Variants in WIPF1 observed in about 807,000 individuals in gnomAD.
WIPF1 encodes WAS/WASL-interacting protein family member 1.
WIPF1 carries 13 observed loss-of-function variants against 35.4 expected under a neutral mutation model. The ratio of observed to expected loss-of-function variants is 0.37; its 90% CI spans 0.24 to 0.58. The LOEUF (loss-of-function observed/expected upper bound fraction) is 0.58. WIPF1 is among the 20% of genes least tolerant of loss of function. The probability of loss-of-function intolerance (pLI) is 0.74; values close to 1 mark genes in which losing one functional copy is unlikely to be tolerated. For synonymous variants in WIPF1, 267 were observed against 266.3 expected (o/e 1.00, Z -0.02); for missense variants, 591 against 667.0 (o/e 0.89, Z 1.25).
intron 1 of WIPF1, among the ~76,000 whole-genome samples, chr2:174,648,715 A>C (rs1307217206): frequency 1.3e-5 from 2 of 152,234 alleles, no homozygotes; most frequent in Non-Finnish European, 2.9e-5. Flanking sequence ...TACAGGGGGA[A>C]AATAGGTTGT....
intron 1 of WIPF1, among the ~76,000 whole-genome samples, chr2:174,681,550 T>C (rs1230204185): frequency 6.6e-6 from 1 of 152,200 alleles, no homozygotes; most frequent in East Asian, 1.9e-4. Context: ...CGACTCAAAA[T>C]GAAGCTACAG....
chr2:174,672,043 A>G (rs1239686016), intron 1 of WIPF1, among the ~76,000 whole-genome samples: 1 of 152,152 alleles, frequency 6.6e-6, no homozygotes, highest in Non-Finnish European at 1.5e-5. Context: ...GGCATCATGG[A>G]ACCTGCCAAT....
At chr2:174,627,501 CCCTT>C (rs779321946) in intron 1 of WIPF1, among the ~76,000 whole-genome samples, 321 of 146,812 alleles carry the variant, frequency 2.2e-3, no homozygotes, top group Non-Finnish European at 3.7e-3. Flanking sequence ...CTTCCTTCCT[CCCTT>C]CCTTCCTTCC....
intron 1 of WIPF1, among the ~76,000 whole-genome samples, chr2:174,675,507 CCA>C (rs1410528865): frequency 6.6e-6 from 1 of 152,072 alleles, no homozygotes; most frequent in Admixed American, 6.5e-5. Flanking sequence ...CAGGCATATG[CCA>C]CCATGCCTGG....
chr2:174,579,007 C>T (rs549140217), intron 3 of WIPF1, among the ~76,000 whole-genome samples: 30 of 152,234 alleles, frequency 2.0e-4, no homozygotes, highest in African/African-American at 7.2e-4. Context: ...CAGACATCAC[C>T]CATTACTGTT....
chr2:174,562,213 T>A lies in WIPF1; in HGVS notation c.*334A>T. On this transcript the variant is annotated 3_prime_UTR_variant, in exon 8 of 8. Transcript: ENST00000679041. Reference sequence around the variant, plus strand: ...CTCAGGGACTTTAATAATTACAGTCTGTAACAAATAAGCAGTGAATGTTTG... The same window carrying A: ...CTCAGGGACTTTAATAATTACAGTCAGTAACAAATAAGCAGTGAATGTTTG... 1 of 1,549,754 alleles carries A rather than the reference T, an allele frequency of 6.5e-7. No individual in the cohort carries two copies. Among genetic ancestry groups the A allele is most frequent in the Non-Finnish European group, 8.7e-7 (1 of 1,146,498 alleles).
At position 174,614,427 on chromosome 2, in the gene WIPF1, G is replaced by A. The variant is rs77000585; in HGVS notation, c.-38-28816C>T. ...GGAGTAAACAAAGAGAACAGTAAAC[G>A]TCTGGGAATGTTTTCAGAGGTGACA... On this transcript the variant is annotated intron_variant, in intron 1 of 8. Coordinates refer to the WIPF1 transcript ENST00000272746. Among the ~76,000 whole-genome samples, 18 of 152,266 alleles carry A rather than the reference G, an allele frequency of 1.2e-4. No homozygotes were observed. The East Asian group carries it at 3.1e-3, about 26-fold the overall frequency.
intron 1 of WIPF1, among the ~76,000 whole-genome samples, chr2:174,682,262 C>A (rs924396764): frequency 6.6e-5 from 10 of 152,142 alleles, no homozygotes; most frequent in Admixed American, 6.5e-4. Context: ...GGGAGGGAGG[C>A]GGGCTGGAGC....
chr2:174,675,240 G>A (rs1468867628), intron 1 of WIPF1, among the ~76,000 whole-genome samples: 4 of 152,076 alleles, frequency 2.6e-5, no homozygotes, highest in Non-Finnish European at 4.4e-5. Context: ...AGTATTTAAG[G>A]GAGATAGGAG....
intron 1 of WIPF1, among the ~76,000 whole-genome samples, chr2:174,662,864 T>C (rs998720376): frequency 6.6e-6 from 1 of 152,248 alleles, no homozygotes; most frequent in African/African-American, 2.4e-5. Context: ...TGGGTCTATA[T>C]GAGGACATGA....
rs1684450707 is a variant in WIPF1 at position 174,560,252 on chromosome 2, G to A, written c.*2295C>T. 6.6e-6 allele frequency: 1 copy of A among 152,588 alleles called. No homozygotes were observed. Among genetic ancestry groups the A allele is most frequent in the Non-Finnish European group, 1.5e-5 (1 of 68,002 alleles). The allele number at this position is 152,588 out of a possible 1,614,324, so 9.5% of individuals were successfully genotyped here. On this transcript the variant is annotated 3_prime_UTR_variant, in exon 8 of 8. Transcript: ENST00000679041. The stretch of plus-strand genomic sequence containing the variant: ...AGGGTGTAGGTGTATTAATGAAACA[G>A]TCACTTAAACACTACATTCTAAAAC...
intron 1 of WIPF1, among the ~76,000 whole-genome samples, chr2:174,626,243 C>A (rs1013415515): frequency 6.6e-6 from 1 of 152,126 alleles, no homozygotes; most frequent in Non-Finnish European, 1.5e-5. Flanking sequence ...AAGTTCGAAA[C>A]AAGAATCCTG....
chr2:174,649,450 A>G (rs1687486677), intron 1 of WIPF1, among the ~76,000 whole-genome samples: 1 of 152,110 alleles, frequency 6.6e-6, no homozygotes, highest in Non-Finnish European at 1.5e-5. Flanking sequence ...ACCCCAGGAG[A>G]CAATATTCCT....
Position 174,581,450 on chromosome 2 carries a change from G to A in WIPF1, c.52-11C>T. On this transcript the variant is annotated splice_polypyrimidine_tract_variant and intron_variant, in intron 2 of 7. Coordinates refer to ENST00000679041, the MANE Select transcript of WIPF1 (RefSeq NM_001375834.1). The stretch of plus-strand genomic sequence containing the variant: ...CTTCTCTGTATTGGCCTGAAAGGGA[G>A]CCATACAAACAAGTAGTCATCTCTT... 1.9e-6 allele frequency: 3 copies of A among 1,612,936 alleles called. No individual in the cohort carries two copies. The highest frequency in any genetic ancestry group is 2.5e-6 in the Non-Finnish European group (3 of 1,179,576).
intron 1 of WIPF1, among the ~76,000 whole-genome samples, chr2:174,636,719 G>C (rs886698718): frequency 1.3e-5 from 2 of 152,154 alleles, no homozygotes; most frequent in Non-Finnish European, 2.9e-5. Flanking sequence ...GAGAAATACT[G>C]GTCTGGTATT....
rs564081857 is a variant in WIPF1, at chr2:174,573,891, CT to C, written c.358+1312del. Among the ~76,000 whole-genome samples the C allele has an allele frequency of 3.3e-3, 453 of 138,808 alleles. 1 individual carries two copies. Among genetic ancestry groups the C allele is most frequent in the Middle Eastern group, 3.7e-3 (1 of 268 alleles). The allele number at this position is 138,808 out of a possible 152,430, so 91.1% of individuals were successfully genotyped here. A position where few individuals can be genotyped will look rare whatever the true frequency, so the allele number is the denominator to read the frequency against. ...GAACTTAAGAGAGAACTTTCTTCTT[CT>C]TTTTTTTTTTTTTTTTGAGACAGTG... On this transcript the variant is annotated intron_variant, in intron 4 of 7. Transcript: ENST00000679041.
In WIPF1 at chr2:174,585,789, G is replaced by T. The variant is rs1685398674; in HGVS notation, c.-38-178C>A. ...GTTCTGGAAGGATCCCGGCAGAGGG[G>T]CTTCTGACCCGAGGTGCTTGGAGAG... On this transcript the variant is annotated intron_variant, in intron 1 of 7. Coordinates refer to ENST00000679041, the MANE Select transcript of WIPF1 (RefSeq NM_001375834.1). 2.6e-5 allele frequency among the ~76,000 whole-genome samples: 4 copies of T among 152,290 alleles called. No individual in the cohort carries two copies. The South Asian group carries it at 8.3e-4, about 32-fold the overall frequency.
In WIPF1 at chr2:174,562,403, A is replaced by T; in HGVS notation, c.*144T>A. The stretch of plus-strand genomic sequence containing the variant: ...GTGCATTTCTTACCGATTCCCACCC[A>T]CACACGCATATTCCCACTCCCCCTC... On this transcript the variant is annotated 3_prime_UTR_variant, in exon 8 of 8. Coordinates refer to ENST00000679041, the MANE Select transcript of WIPF1 (RefSeq NM_001375834.1). The T allele has an allele frequency of 6.6e-7, 1 of 1,514,738 alleles. No homozygotes were observed. The highest frequency in any genetic ancestry group is 8.9e-7 in the Non-Finnish European group (1 of 1,128,802). The allele number at this position is 1,514,738 out of a possible 1,614,324, so 93.8% of individuals were successfully genotyped here.
chr2:174,639,413 T>C (rs536525187), intron 1 of WIPF1, among the ~76,000 whole-genome samples: 2 of 152,100 alleles, frequency 1.3e-5, no homozygotes, highest in South Asian at 4.1e-4. Flanking sequence ...ATCATCACGC[T>C]TGGCTAATTT....
Sources: gnomAD v4.1 joint callset for allele counts (sites outside exome capture counted in the v4.1 genomes callset) on GRCh38, gnomAD v4.1.1 for gene constraint, MANE v1.5 for transcripts, NCBI Gene and HGNC (gene_info 2026-07-23, HGNC 2026-07-21) for gene names.